MYH9: variants seen among roughly 807,000 people sequenced by gnomAD.
The protein encoded by MYH9 is myosin-9.
Under a neutral mutation model 241.9 loss-of-function variants are expected in MYH9, and 29 were observed. That is an observed-to-expected ratio of 0.12 (90% CI 0.09 to 0.16). MYH9 has a LOEUF of 0.16. Among genes scored for constraint, MYH9 ranks in the 10% least tolerant of loss-of-function variants. MYH9 has a pLI of 1.00. For missense variants in MYH9, 1,803 were observed against 2,595.5 expected (o/e 0.69, Z 6.63); for synonymous variants, 1,047 against 1,062.6 (o/e 0.99, Z 0.29).
chr22:36,283,463 G>C (rs1394659586), intron 40 of MYH9, among the ~76,000 whole-genome samples: 3 of 151,254 alleles, frequency 2.0e-5, no homozygotes, highest in South Asian at 2.1e-4. Flanking sequence ...CTTGAACCCG[G>C]GAGGCAGAGG....
At chr22:36,289,035 G>T in intron 32 of MYH9, 50 bp downstream of exon 32, 1 of 1,613,118 alleles carries the variant, frequency 6.2e-7, no homozygotes, top group Non-Finnish European at 8.5e-7. Context: ...CCTCTGTGAT[G>T]ACCCCACTCG....
chr22:36,321,727 G>A (rs778409352), intron 7 of MYH9, 31 bp downstream of exon 7: 8 of 1,601,754 alleles, frequency 5.0e-6, no homozygotes, highest in Non-Finnish European at 6.0e-6. Context: ...TCCGGATCCA[G>A]GACTCTTATC....
rs180907144 is a variant in MYH9 at position 36,287,772 on chromosome 22, C to G, written c.4932+480G>C. Among the ~76,000 whole-genome samples the G allele has an allele frequency of 1.1e-4, 17 of 152,328 alleles. No homozygotes were observed. In the East Asian group the frequency reaches 3.3e-3, roughly 29 times the overall value. On this transcript the variant is annotated intron_variant, in intron 34 of 40. Transcript: ENST00000216181. ...AACAAACAAAAAAAAATTTGTTAAA[C>G]TAAGGTTATTCTTGTTACATGATAT...
chr22:36,297,804 T>C (rs2016811937), intron 24 of MYH9, among the ~76,000 whole-genome samples: 1 of 152,190 alleles, frequency 6.6e-6, no homozygotes, highest in Non-Finnish European at 1.5e-5. Context: ...CACGGCTGAG[T>C]GACGGATGGA....
intron 31 of MYH9, among the ~76,000 whole-genome samples, chr22:36,290,604 G>A (rs956493784): frequency 2.0e-4 from 30 of 152,012 alleles, no homozygotes; most frequent in South Asian, 8.3e-4. Context: ...CTGCCTGGCC[G>A]CCCATCGTCT....
At chr22:36,354,338 C>T (rs1324397958) in intron 1 of MYH9, among the ~76,000 whole-genome samples, 2 of 151,946 alleles carry the variant, frequency 1.3e-5, no homozygotes, top group Non-Finnish European at 2.9e-5. Context: ...ACACCAAGGC[C>T]TCACTGTCCA....
chr22:36,296,943 T>C lies in MYH9; in HGVS notation c.3172A>G (p.Thr1058Ala). ...KTRRKLEGDS[T>A]DLSDQIAELQ... ...TCGGCGATCTGGTCGCTGAGGTCTG[T>C]GGAGTCTCCCTCCAGCTTCCGGCGG... Residue 1058 changes from threonine (T) to alanine (A), a missense_variant, in exon 25 of 41, where the codon ACA becomes GCA. By Grantham distance (58) the Thr-to-Ala change is moderately conservative. Coordinates refer to ENST00000216181, the MANE Select transcript of MYH9 (RefSeq NM_002473.6). The C allele has an allele frequency of 5.0e-6, 8 of 1,614,156 alleles. No individual in the cohort carries two copies. The highest frequency in any genetic ancestry group is 6.8e-6 in the Non-Finnish European group (8 of 1,180,016).
chr22:36,384,641 TATATATATATAC>T (rs1217277907), intron 1 of MYH9, among the ~76,000 whole-genome samples: 4 of 88,636 alleles, frequency 4.5e-5, no homozygotes, highest in African/African-American at 1.6e-4. Flanking sequence ...TATATATATA[TATATATATATAC>T]AGCCACTACA....
chr22:36,297,336 T>G, intron 24 of MYH9: 1 of 347,948 alleles, frequency 2.9e-6, no homozygotes, highest in Non-Finnish European at 5.4e-6. Context: ...CATGTTCAAT[T>G]GTGTGTGAAT....
intron 1 of MYH9, among the ~76,000 whole-genome samples, chr22:36,373,899 AACAC>A (rs897854815): frequency 2.0e-5 from 3 of 150,450 alleles, no homozygotes; most frequent in African/African-American, 7.4e-5. Context: ...AGTAACTCAG[AACAC>A]ACACAGTCTC....
chr22:36,289,011 G>A, intron 32 of MYH9, 72 bp from the exon 33 acceptor site: 3 of 1,612,620 alleles, frequency 1.9e-6, no homozygotes, highest in Non-Finnish European at 2.5e-6. Context: ...CCCGGAGTCT[G>A]TGCACACACC....
chr22:36,381,339 AC>A (rs2018252145), intron 1 of MYH9, among the ~76,000 whole-genome samples: 2 of 151,938 alleles, frequency 1.3e-5, no homozygotes, highest in East Asian at 3.9e-4. Flanking sequence ...ACATGGTGAA[AC>A]CCCGTCTCTA....
intron 11 of MYH9, among the ~76,000 whole-genome samples, chr22:36,317,185 G>GT (rs2017170971): frequency 6.6e-6 from 1 of 152,174 alleles, no homozygotes; most frequent in Non-Finnish European, 1.5e-5. Flanking sequence ...CCGTGAGTTA[G>GT]TAACTGCTGA....
At chr22:36,375,960 T>C (rs1042935795) in intron 1 of MYH9, among the ~76,000 whole-genome samples, 5 of 139,988 alleles carry the variant, frequency 3.6e-5, no homozygotes, top group African/African-American at 1.3e-4. Flanking sequence ...AATTTCTTTT[T>C]TTTTTTTTTT....
intron 1 of MYH9, among the ~76,000 whole-genome samples, chr22:36,387,437 C>T (rs973478903): frequency 2.0e-5 from 3 of 152,118 alleles, no homozygotes; most frequent in Non-Finnish European, 1.5e-5. Context: ...AAAGTTTGCC[C>T]GAGTCGGGCC....
intron 34 of MYH9, among the ~76,000 whole-genome samples, chr22:36,287,749 C>G (rs2016611996): frequency 6.6e-6 from 1 of 152,042 alleles, no homozygotes; most frequent in Non-Finnish European, 1.5e-5. Context: ...CTCAAACAAA[C>G]AAACAAAAAA....
intron 1 of MYH9, among the ~76,000 whole-genome samples, chr22:36,385,839 A>AC (rs890574124): frequency 7.9e-5 from 12 of 152,086 alleles, no homozygotes; most frequent in Non-Finnish European, 1.6e-4. Context: ...GTTTTTAATT[A>AC]CCCCCCAATT....
chr22:36,365,891 A>G (rs2018003034), intron 1 of MYH9, among the ~76,000 whole-genome samples: 1 of 152,168 alleles, frequency 6.6e-6, no homozygotes, highest in Non-Finnish European at 1.5e-5. Flanking sequence ...TTTCATTTCT[A>G]AACACACTGG....
intron 3 of MYH9, among the ~76,000 whole-genome samples, chr22:36,337,236 C>A (rs542395341): frequency 2.0e-5 from 3 of 152,266 alleles, no homozygotes; most frequent in South Asian, 4.2e-4. Context: ...GTAGCTGGCA[C>A]CAAGTGAATA....
Sources: gnomAD v4.1 joint callset for allele counts (sites outside exome capture counted in the v4.1 genomes callset) on GRCh38, gnomAD v4.1.1 for gene constraint, MANE v1.5 for transcripts, NCBI Gene and HGNC (gene_info 2026-07-23, HGNC 2026-07-21) for gene names.